Variants in TAB2 observed in about 807,000 individuals in gnomAD.
TAB2 encodes the protein TGF-beta-activated kinase 1 and MAP3K7-binding protein 2.
In TAB2, 3 loss-of-function variants were observed where a neutral mutation model predicts 65.0. The ratio of observed to expected loss-of-function variants is 0.05; its 90% CI spans 0.02 to 0.12. The LOEUF is 0.12. Among genes scored for constraint, TAB2 ranks in the 10% least tolerant of loss-of-function variants. TAB2 has a pLI of 1.00. For synonymous variants in TAB2, 298 were observed against 285.1 expected, an observed-to-expected ratio of 1.05 and a Z score of -0.46; for missense variants, 623 against 840.3, an observed-to-expected ratio of 0.74 and a Z score of 3.20.
rs1206089539 is a variant in TAB2 at position 149,410,282 on chromosome 6, C to G, written c.*563C>G. ...ACTCTGTGAAGCCAGCATCTAGGGGCTAAAGATGCAAAGGAAAGCAGCATG... is the reference window on the plus strand; with the variant it reads ...ACTCTGTGAAGCCAGCATCTAGGGGGTAAAGATGCAAAGGAAAGCAGCATG... On this transcript the variant is annotated 3_prime_UTR_variant, in exon 7 of 7. Transcript: ENST00000637181. The G allele has an allele frequency of 6.1e-6, 1 of 162,770 alleles. No homozygotes were observed. The highest frequency in any genetic ancestry group is 1.3e-5 in the Non-Finnish European group (1 of 74,230). 10.1% of individuals were successfully genotyped at this position (162,770 alleles called of 1,614,324 possible). A position where few individuals can be genotyped will look rare whatever the true frequency, so the allele number is the denominator to read the frequency against.
chr6:149,399,253 T>G, intron 6 of TAB2, 69 bp downstream of exon 6: 1 of 1,145,284 alleles, frequency 8.7e-7, no homozygotes, highest in South Asian at 1.3e-5. Context: ...TTTTTCCTGT[T>G]CAGCAACCTT....
At chr6:149,258,613 G>A (rs1583051753) in intron 1 of TAB2, among the ~76,000 whole-genome samples, 1 of 152,254 alleles carries the variant, frequency 6.6e-6, no homozygotes, top group African/African-American at 2.4e-5. Context: ...ATTTTTCCCT[G>A]AGTTAAGTAA....
intron 1 of TAB2, among the ~76,000 whole-genome samples, chr6:149,254,760 C>T (rs1446856742): frequency 6.6e-6 from 1 of 152,180 alleles, no homozygotes; most frequent in Non-Finnish European, 1.5e-5. Context: ...CATCATAAAT[C>T]CATTAAAAAT....
intron 1 of TAB2, among the ~76,000 whole-genome samples, chr6:149,233,376 C>T (rs1777440570): frequency 6.6e-6 from 1 of 152,156 alleles, no homozygotes; most frequent in Non-Finnish European, 1.5e-5. Flanking sequence ...CCGCAGAAAG[C>T]AGCAAACTAA....
intron 6 of TAB2, 105 bp downstream of exon 6, chr6:149,399,289 G>A: frequency 1.2e-6 from 1 of 823,936 alleles, no homozygotes; most frequent in South Asian, 1.5e-5. Flanking sequence ...TTCAAACTTT[G>A]GCATTCTTAA....
In TAB2 at chr6:149,386,750, G is replaced by A. The variant is rs190912017; in HGVS notation, c.1603+7232G>A. Among the ~76,000 whole-genome samples the A allele has an allele frequency of 2.2e-4, 33 of 152,260 alleles. 1 individual carries two copies. The highest frequency in any genetic ancestry group is 2.2e-3 in the Admixed American group (33 of 15,296). ...GTATTCTCACCAGCTGTGTGTGAGG[G>A]TTTTCATTTCTCCCCATTTTCAACA... On this transcript the variant is annotated intron_variant, in intron 3 of 6. Transcript: ENST00000637181.
intron 1 of TAB2, among the ~76,000 whole-genome samples, chr6:149,235,285 G>T (rs1179635460): frequency 6.6e-6 from 1 of 152,206 alleles, no homozygotes. Context: ...ACTGGGCCCT[G>T]TGCCAAGGAA....
chr6:149,294,903 C>G (rs897257109), intron 1 of TAB2, among the ~76,000 whole-genome samples: 22 of 152,100 alleles, frequency 1.4e-4, no homozygotes, highest in Admixed American at 1.2e-3. Context: ...CCTTGAAAAA[C>G]CATAAAATGT....
chr6:149,251,953 C>A (rs1777871106), intron 1 of TAB2, among the ~76,000 whole-genome samples: 1 of 151,582 alleles, frequency 6.6e-6, no homozygotes, highest in African/African-American at 2.4e-5. Context: ...ACATGATTTT[C>A]TTTTCTTGTT....
upstream of TAB2, among the ~76,000 whole-genome samples, chr6:149,314,196 T>G (rs1405859345): frequency 6.6e-6 from 1 of 152,256 alleles, no homozygotes; most frequent in Non-Finnish European, 1.5e-5. Context: ...AACTCTTCAT[T>G]ATCTCTCATT....
intron 1 of TAB2, among the ~76,000 whole-genome samples, chr6:149,281,518 T>C (rs144656827): frequency 3.1e-4 from 35 of 114,546 alleles, no homozygotes; most frequent in African/African-American, 1.1e-3. Flanking sequence ...ATCCAGGAGT[T>C]CAAGACCAGC....
At chr6:149,309,330 T>A (rs146394988) in intron 1 of TAB2, among the ~76,000 whole-genome samples, 130 of 152,266 alleles carry the variant, frequency 8.5e-4, no homozygotes, top group African/African-American at 2.9e-3. Context: ...ATTCATTTAA[T>A]CCTTGTAACA....
At chr6:149,335,815 T>A (rs1416262174) in intron 1 of TAB2, among the ~76,000 whole-genome samples, 1 of 152,144 alleles carries the variant, frequency 6.6e-6, no homozygotes, top group African/African-American at 2.4e-5. Flanking sequence ...AGGTAGTAAG[T>A]ACATAAAATG....
intron 1 of TAB2, among the ~76,000 whole-genome samples, chr6:149,273,150 A>G (rs9285518): frequency 0.48 from 73,150 of 151,952 alleles, 19,258 homozygotes; most frequent in African/African-American, 0.7. Flanking sequence ...TAAACATCCT[A>G]CAAGATACTG....
intron 1 of TAB2, among the ~76,000 whole-genome samples, chr6:149,348,032 T>C (rs1780360576): frequency 6.6e-6 from 1 of 152,166 alleles, no homozygotes; most frequent in Non-Finnish European, 1.5e-5. Flanking sequence ...AAAGGTACTG[T>C]TTAAGAGTAA....
Position 149,258,594 on chromosome 6 carries a change from C to T in TAB2, c.-121+39818C>T, listed in dbSNP as rs1174596525. Among the ~76,000 whole-genome samples, 5 of 152,336 alleles carry T rather than the reference C, an allele frequency of 3.3e-5. No individual in the cohort carries two copies. In the East Asian group the frequency reaches 9.6e-4, roughly 29 times the overall value. On this transcript the variant is annotated intron_variant, in intron 1 of 1. Transcript: ENST00000606202. ...TTGCTCAGAAGCATCCATTTTTATA[C>T]AAAAGATAATTTTTCCCTGAGTTAA...
chr6:149,303,020 A>G (rs1337471643), intron 1 of TAB2, among the ~76,000 whole-genome samples: 1 of 152,230 alleles, frequency 6.6e-6, no homozygotes, highest in African/African-American at 2.4e-5. Flanking sequence ...TGAACTGCGC[A>G]TGCAGGGGAT....
At chr6:149,329,477 T>C (rs961479181) in intron 1 of TAB2, among the ~76,000 whole-genome samples, 1 of 152,134 alleles carries the variant, frequency 6.6e-6, no homozygotes, top group Non-Finnish European at 1.5e-5. Flanking sequence ...TTTGTTGATT[T>C]TAAGGTTCTA....
intron 1 of TAB2, among the ~76,000 whole-genome samples, chr6:149,310,286 G>A (rs924211636): frequency 6.6e-6 from 1 of 152,148 alleles, no homozygotes; most frequent in Non-Finnish European, 1.5e-5. Flanking sequence ...GCAGTGAAGG[G>A]AGATCATGCC....
Sources: allele counts gnomAD v4.1 joint callset (sites outside exome capture counted in the v4.1 genomes callset), GRCh38; gene constraint gnomAD v4.1.1; transcripts MANE v1.5; gene names NCBI Gene and HGNC (gene_info 2026-07-23, HGNC 2026-07-21).